FAM227B: variants seen among roughly 807,000 people sequenced by gnomAD.
FAM227B encodes the protein protein FAM227B.
In FAM227B, 88 loss-of-function variants were observed where a neutral mutation model predicts 73.8. The ratio of observed to expected loss-of-function variants is 1.19; its 90% CI spans 1.00 to 1.42. The LOEUF (loss-of-function observed/expected upper bound fraction) is 1.42. Ranked by LOEUF, FAM227B falls within the 40% of genes most tolerant of loss-of-function variation. The pLI is 0.00. For synonymous variants in FAM227B, 210 were observed against 190.5 expected, an observed-to-expected ratio of 1.10 and a Z score of -0.84; for missense variants, 632 against 590.9, an observed-to-expected ratio of 1.07 and a Z score of -0.72.
intron 1 of FAM227B, among the ~76,000 whole-genome samples, chr15:49,615,808 C>G (rs778714960): frequency 1.3e-5 from 2 of 152,078 alleles, no homozygotes; most frequent in Non-Finnish European, 2.9e-5. Flanking sequence ...ACATGACAAA[C>G]GACATGCATA....
At chr15:49,571,701 A>G (rs141152179) in intron 8 of FAM227B, among the ~76,000 whole-genome samples, 12 of 151,950 alleles carry the variant, frequency 7.9e-5, no homozygotes, top group African/African-American at 2.9e-4. Flanking sequence ...TTCTATGCGT[A>G]TATGTGTCTG....
chr15:49,525,667 TATATA>T (rs2060119715), intron 10 of FAM227B, among the ~76,000 whole-genome samples: 1 of 5,714 alleles, frequency 1.8e-4, no homozygotes, highest in African/African-American at 6.7e-4. Flanking sequence ...GGTGGAGAAA[TATATA>T]TATATATATA....
At chr15:49,562,258 T>C (rs2074320103) in intron 9 of FAM227B, among the ~76,000 whole-genome samples, 1 of 151,954 alleles carries the variant, frequency 6.6e-6, no homozygotes, top group African/African-American at 2.4e-5. Context: ...GAATAAATAA[T>C]AAATTCCTAG....
chr15:49,371,392 G>A lies in FAM227B; in HGVS notation c.1020C>T (p.Asp340=). The change falls in exon 12 of 16, where the codon GAC becomes GAT. Residue 340 remains aspartate (D), a synonymous_variant. Transcript: ENST00000299338. Reference sequence around the variant, plus strand: ...TGTTCAGAATCTTTATAATATTGAAGTCGATACCTAAAACAGAAAATAAAA... The same window carrying A: ...TGTTCAGAATCTTTATAATATTGAAATCGATACCTAAAACAGAAAATAAAA... ...DSQEHISTSI[D]FNIIKILNNP... 3 of 1,543,400 alleles carry A rather than the reference G, an allele frequency of 1.9e-6. No homozygotes were observed. The highest frequency in any genetic ancestry group is 1.8e-6 in the Non-Finnish European group (2 of 1,134,520).
At chr15:49,453,684 C>T (rs79193715) in intron 11 of FAM227B, among the ~76,000 whole-genome samples, 3,672 of 152,220 alleles carry the variant, frequency 0.024, 116 homozygotes, top group South Asian at 0.15. Flanking sequence ...TTATGACCCA[C>T]GTGCTGTTTA....
intron 13 of FAM227B, among the ~76,000 whole-genome samples, chr15:49,340,611 T>C (rs2040576449): frequency 6.6e-6 from 1 of 152,146 alleles, no homozygotes; most frequent in Non-Finnish European, 1.5e-5. Flanking sequence ...AATGGGGCTA[T>C]TTATTATTTG....
intron 5 of FAM227B, among the ~76,000 whole-genome samples, chr15:49,578,653 G>C (rs1235230028): frequency 6.6e-6 from 1 of 152,122 alleles, no homozygotes; most frequent in Non-Finnish European, 1.5e-5. Flanking sequence ...ATGATGTATT[G>C]CTTCCAGAAA....
At chr15:49,531,233 G>A (rs2060586771) in intron 10 of FAM227B, among the ~76,000 whole-genome samples, 1 of 151,658 alleles carries the variant, frequency 6.6e-6, no homozygotes, top group Non-Finnish European at 1.5e-5. Context: ...TTGATTTCAT[G>A]TATATATGTC....
At chr15:49,444,383 AT>A (rs1238779779) in intron 11 of FAM227B, among the ~76,000 whole-genome samples, 1 of 151,778 alleles carries the variant, frequency 6.6e-6, no homozygotes, top group Non-Finnish European at 1.5e-5. Flanking sequence ...ACAGTAACAG[AT>A]TATGTTTTAT....
At chr15:49,392,697 A>C (rs1331822023) in intron 11 of FAM227B, among the ~76,000 whole-genome samples, 1 of 152,218 alleles carries the variant, frequency 6.6e-6, no homozygotes, top group African/African-American at 2.4e-5. Flanking sequence ...CAAATCTTTG[A>C]GGATGATTGA....
intron 11 of FAM227B, among the ~76,000 whole-genome samples, chr15:49,457,927 T>G (rs563070151): frequency 4.6e-5 from 7 of 152,140 alleles, no homozygotes; most frequent in African/African-American, 1.7e-4. Flanking sequence ...TAATTAATGT[T>G]AGAAAAATTA....
chr15:49,581,349 C>A (rs868665841), intron 5 of FAM227B, among the ~76,000 whole-genome samples: 58 of 149,402 alleles, frequency 3.9e-4, no homozygotes, highest in African/African-American at 1.4e-3. Flanking sequence ...TTTTTTGAGA[C>A]AGAGTTTCGC....
At chr15:49,329,630 T>C (rs1477777438) in intron 15 of FAM227B, 1 of 984,840 alleles carries the variant, frequency 1.0e-6, no homozygotes, top group Non-Finnish European at 1.2e-6. Context: ...AGCAGAAAGG[T>C]AAATGCTTGA....
chr15:49,357,223 A>G (rs1397213513), intron 13 of FAM227B, among the ~76,000 whole-genome samples: 2 of 150,484 alleles, frequency 1.3e-5, no homozygotes, highest in East Asian at 3.9e-4. Context: ...AAGGCAAGAA[A>G]TAACTAAAAT....
intron 11 of FAM227B, among the ~76,000 whole-genome samples, chr15:49,413,112 C>T (rs374004378): frequency 5.2e-4 from 79 of 152,156 alleles, no homozygotes; most frequent in African/African-American, 1.9e-3. Flanking sequence ...AAGGCTTTGT[C>T]TCTGATATGG....
chr15:49,494,586 T>C (rs2057436638), intron 11 of FAM227B, among the ~76,000 whole-genome samples: 1 of 152,132 alleles, frequency 6.6e-6, no homozygotes, highest in African/African-American at 2.4e-5. Context: ...GGAGGCTCTT[T>C]TTTTTCCCTC....
intron 11 of FAM227B, chr15:49,396,265 A>C (rs1175759565): frequency 2.5e-6 from 1 of 402,448 alleles, no homozygotes; most frequent in African/African-American, 2.1e-5. Flanking sequence ...TGTCACTCCC[A>C]CCTGAATACT....
intron 11 of FAM227B, among the ~76,000 whole-genome samples, chr15:49,383,237 C>A (rs1225665607): frequency 6.6e-6 from 1 of 152,106 alleles, no homozygotes; most frequent in African/African-American, 2.4e-5. Flanking sequence ...ACAGGCATAT[C>A]TTGTTTAACT....
At chr15:49,371,671 AATAAATAAATGAAATAAAATTCACTT>A (rs1567171677) in intron 11 of FAM227B, among the ~76,000 whole-genome samples, 15 of 145,748 alleles carry the variant, frequency 1.0e-4, no homozygotes, top group East Asian at 3.9e-4. Context: ...AAAATTCACT[AATAAATAAATGAAATAAAATTCACTT>A]ATAAATAAAT....
Sources: gnomAD v4.1 joint callset for allele counts (sites outside exome capture counted in the v4.1 genomes callset) on GRCh38, gnomAD v4.1.1 for gene constraint, MANE v1.5 for transcripts, NCBI Gene and HGNC (gene_info 2026-07-23, HGNC 2026-07-21) for gene names.